VPS37A: variants seen among roughly 807,000 people sequenced by gnomAD.
VPS37A encodes VPS37A subunit of ESCRT-I.
VPS37A carries 30 observed loss-of-function variants against 49.8 expected under a neutral mutation model. That is an observed-to-expected ratio of 0.60 (90% CI 0.45 to 0.82). The LOEUF (loss-of-function observed/expected upper bound fraction) is 0.82. Ranked by LOEUF, VPS37A falls within the 40% of genes least tolerant of loss-of-function variation. The pLI is 0.00. For synonymous variants in VPS37A, 195 were observed against 160.6 expected (o/e 1.21, Z -1.62); for missense variants, 593 against 464.4 (o/e 1.28, Z -2.55).
At chr8:17,302,077 C>T (rs1381879510), downstream of VPS37A, 1 of 1,581,176 alleles carries the variant, frequency 6.3e-7, no homozygotes, top group Admixed American at 1.7e-5. Context: ...TGCACTGAAT[C>T]TTAAGAGGCT....
the VPS37A span, among the ~76,000 whole-genome samples, chr8:17,318,646 T>C: frequency 6.6e-6 from 1 of 152,194 alleles, no homozygotes; most frequent in Non-Finnish European, 1.5e-5. Flanking sequence ...TTTCCTGAGA[T>C]TCTCTTGTCT....
chr8:17,273,512 G>GC (rs989392378), intron 4 of VPS37A, among the ~76,000 whole-genome samples: 3 of 152,002 alleles, frequency 2.0e-5, no homozygotes, highest in African/African-American at 7.2e-5. Context: ...GACTACAGGC[G>GC]CCCACCACTA....
At position 17,280,105 on chromosome 8, in the gene VPS37A, A is replaced by C; in HGVS notation, c.791A>C (p.Gln264Pro). ...TTTCTGACTTTGCCTCAACTAAAAC[A>C]AATTATTACCGACAAAGATGACTTA... ...EQFLTLPQLK[Q>P]IITDKDDLVK... The change falls in exon 7 of 12, where the codon CAA (glutamine) becomes CCA (proline). Residue 264 changes from glutamine (Q) to proline (P), a missense_variant. Transcript: ENST00000324849. 4 of 1,612,872 alleles carry C rather than the reference A, an allele frequency of 2.5e-6. No homozygotes were observed. The highest frequency in any genetic ancestry group is 3.4e-6 in the Non-Finnish European group (4 of 1,179,346).
chr8:17,331,282 G>C, the VPS37A span: 1 of 1,593,680 alleles, frequency 6.3e-7, no homozygotes, highest in Non-Finnish European at 8.5e-7. Flanking sequence ...ATTGCATTAA[G>C]CTGCAGTGGT....
chr8:17,252,757 G>A (rs960282596), intron 1 of VPS37A, among the ~76,000 whole-genome samples: 7 of 152,274 alleles, frequency 4.6e-5, no homozygotes, highest in African/African-American at 1.4e-4. Context: ...CCTCGCTGGT[G>A]TAGTTATTTG....
At chr8:17,247,691 A>G (rs1033162153) in intron 1 of VPS37A, 8 of 702,820 alleles carry the variant, frequency 1.1e-5, no homozygotes, top group Non-Finnish European at 2.1e-5. Context: ...AGGCTTCGCC[A>G]CTGATCTTTC....
intron 11 of VPS37A, among the ~76,000 whole-genome samples, chr8:17,291,610 A>G (rs1816167057): frequency 6.6e-6 from 1 of 152,080 alleles, no homozygotes; most frequent in African/African-American, 2.4e-5. Context: ...TCCTGTGGGC[A>G]TTTAGTGCTA....
At chr8:17,327,918 C>G in the VPS37A span, among the ~76,000 whole-genome samples, 4 of 151,990 alleles carry the variant, frequency 2.6e-5, no homozygotes, top group African/African-American at 7.3e-5. Flanking sequence ...CAGATAATAC[C>G]ACATACTGCA....
At chr8:17,305,986 A>C, downstream of VPS37A, 7 of 1,548,220 alleles carry the variant, frequency 4.5e-6, no homozygotes, top group Non-Finnish European at 6.2e-6. Context: ...GAGACTTTTT[A>C]AGGCAGATTT....
chr8:17,333,375 T>A, the VPS37A span, among the ~76,000 whole-genome samples: 1 of 152,200 alleles, frequency 6.6e-6, no homozygotes, highest in South Asian at 2.1e-4. Context: ...TATCACTGCT[T>A]TGTATAATTA....
intron 6 of VPS37A, 135 bp downstream of exon 6, chr8:17,276,602 G>T (rs1473747767): frequency 4.7e-6 from 4 of 857,838 alleles, no homozygotes; most frequent in African/African-American, 1.7e-5. Flanking sequence ...TGCCTTAGTG[G>T]GATTTAAAAA....
the VPS37A span, among the ~76,000 whole-genome samples, chr8:17,313,905 C>T: frequency 6.6e-6 from 1 of 152,184 alleles, no homozygotes; most frequent in South Asian, 2.1e-4. Context: ...GATCAAACTC[C>T]TCTTGCCAAT....
downstream of VPS37A, chr8:17,300,334 C>T (rs1218924373): frequency 4.2e-6 from 5 of 1,200,376 alleles, no homozygotes; most frequent in African/African-American, 1.5e-5. Flanking sequence ...ATGTTAAGAA[C>T]ATGTGACTCA....
the VPS37A span, among the ~76,000 whole-genome samples, chr8:17,322,816 C>G: frequency 8.4e-6 from 1 of 119,660 alleles, no homozygotes; most frequent in East Asian, 1.9e-4. Context: ...CACAGGGAGA[C>G]CCTCTCTCTT....
chr8:17,331,916 A>C, the VPS37A span, among the ~76,000 whole-genome samples: 1 of 152,164 alleles, frequency 6.6e-6, no homozygotes, highest in Non-Finnish European at 1.5e-5. Flanking sequence ...CACTTTCATT[A>C]TTATAATTTT....
At chr8:17,332,354 C>T in the VPS37A span, among the ~76,000 whole-genome samples, 6 of 152,134 alleles carry the variant, frequency 3.9e-5, no homozygotes, top group South Asian at 1.2e-3. Context: ...ATTAAAAGTA[C>T]CAGCACATAA....
downstream of VPS37A, chr8:17,305,966 C>T (rs756488361): frequency 1.3e-5 from 21 of 1,605,348 alleles, no homozygotes; most frequent in South Asian, 2.0e-4. Flanking sequence ...ATCTATAAAA[C>T]AAAGCATTAG....
In VPS37A at chr8:17,286,161, T is replaced by C. The variant is rs150872946; in HGVS notation, c.1114-186T>C. On this transcript the variant is annotated intron_variant, in intron 10 of 11. Transcript: ENST00000324849. ...AAAGTATTATCTGCTCCTTGTACCA[T>C]TAGTGCTAATGAAATGAATTTGCTC... 0.014 allele frequency among the ~76,000 whole-genome samples: 2,175 copies of C among 152,254 alleles called. 38 individuals carry two copies. Among genetic ancestry groups the C allele is most frequent in the Middle Eastern group, 0.041 (12 of 292 alleles).
chr8:17,317,421 G>A, the VPS37A span, among the ~76,000 whole-genome samples: 3 of 152,288 alleles, frequency 2.0e-5, no homozygotes, highest in South Asian at 2.1e-4. Flanking sequence ...GAGGACAGCT[G>A]GGGCAGTAAC....
Sources: allele counts gnomAD v4.1 joint callset (sites outside exome capture counted in the v4.1 genomes callset), GRCh38; gene constraint gnomAD v4.1.1; transcripts MANE v1.5; gene names NCBI Gene and HGNC (gene_info 2026-07-23, HGNC 2026-07-21).